The following AHCTF1 variants were observed in gnomAD, a reference collection of about 807,000 sequenced individuals.
The protein encoded by AHCTF1 is AT-hook containing transcription factor 1, also known as protein ELYS.
AHCTF1 carries 24 observed loss-of-function variants against 248.4 expected under a neutral mutation model. The ratio of observed to expected loss-of-function variants is 0.10; its 90% CI spans 0.07 to 0.14. The LOEUF is 0.14. AHCTF1 is among the 10% of genes least tolerant of loss of function. The pLI is 1.00. For synonymous variants in AHCTF1, 786 were observed against 929.8 expected (o/e 0.85, Z 2.81); for missense variants, 2,206 against 2,636.2 (o/e 0.84, Z 3.57).
chr1:246,930,244 G>T (rs1234193995), intron 1 of AHCTF1, among the ~76,000 whole-genome samples: 1 of 152,140 alleles, frequency 6.6e-6, no homozygotes, highest in African/African-American at 2.4e-5. Flanking sequence ...TGAGGCTGAA[G>T]CTCAAACGTT....
chr1:246,903,879 C>T, intron 7 of AHCTF1, 70 bp downstream of exon 7: 1 of 952,212 alleles, frequency 1.1e-6, no homozygotes. Flanking sequence ...TATCTTAAAA[C>T]AAAGACAACA....
intron 24 of AHCTF1, among the ~76,000 whole-genome samples, chr1:246,874,298 A>G (rs567223967): frequency 7.9e-5 from 12 of 152,300 alleles, no homozygotes; most frequent in Non-Finnish European, 1.6e-4. Flanking sequence ...AAATAACATT[A>G]ACTATTAAAT....
At chr1:246,861,577 G>C (rs921381379) in intron 28 of AHCTF1, among the ~76,000 whole-genome samples, 11 of 152,180 alleles carry the variant, frequency 7.2e-5, no homozygotes, top group Non-Finnish European at 1.5e-4. Context: ...TTAACCTACA[G>C]TGGACCTCAA....
rs191071031 is a variant in AHCTF1 at position 246,868,367 on chromosome 1, C to T, written c.3089-556G>A. 2.3e-3 allele frequency among the ~76,000 whole-genome samples: 333 copies of T among 146,328 alleles called. 2 individuals are homozygous for T. Among genetic ancestry groups the T allele is most frequent in the Non-Finnish European group, 3.6e-3 (247 of 67,996 alleles). On this transcript the variant is annotated intron_variant, in intron 24 of 35. Transcript: ENST00000648844. Reference sequence around the variant, plus strand: ...AACTCCTGACCTCATGTGATCCACCCGCCTTGGCCTCCCAAAGTGCTGGGA... The same window carrying T: ...AACTCCTGACCTCATGTGATCCACCTGCCTTGGCCTCCCAAAGTGCTGGGA...
chr1:246,849,516 G>C, intron 33 of AHCTF1, 99 bp downstream of exon 33: 1 of 1,469,834 alleles, frequency 6.8e-7, no homozygotes, highest in Non-Finnish European at 9.1e-7. Context: ...GGGGGGAAGG[G>C]GAAAAATTCC....
chr1:246,853,339 A>AAAAT (rs750768183), intron 31 of AHCTF1, 40 bp from the exon 32 acceptor site: 3 of 1,524,104 alleles, frequency 2.0e-6, no homozygotes, highest in East Asian at 4.6e-5. Flanking sequence ...TTTAAACTGA[A>AAAAT]AAATAAATCC....
At chr1:246,920,142 C>CAAAAAAAAAAAA (rs68194249) in intron 1 of AHCTF1, among the ~76,000 whole-genome samples, 9 of 40,804 alleles carry the variant, frequency 2.2e-4, no homozygotes, top group Non-Finnish European at 2.7e-4. Flanking sequence ...CTGTCCCCCG[C>CAAAAAAAAAAAA]AAAAAAAAAA....
In AHCTF1 at chr1:246,882,638, G is replaced by C. The variant is rs1779973; in HGVS notation, c.2660+2855C>G. On this transcript the variant is annotated intron_variant, in intron 21 of 35. Transcript: ENST00000648844. ...CAGCAAAATAAACCCACCTAACAAAGAGGAAAAATTATGCCTATACAAAAG... is the reference window on the plus strand; with the variant it reads ...CAGCAAAATAAACCCACCTAACAAACAGGAAAAATTATGCCTATACAAAAG... Among the ~76,000 whole-genome samples the C allele has an allele frequency of 6.9e-3, 1,057 of 152,270 alleles. 19 individuals are homozygous for C. Among genetic ancestry groups the C allele is most frequent in the African/African-American group, 0.024 (1,001 of 41,554 alleles).
chr1:246,853,742 ACT>A (rs1250455444), intron 31 of AHCTF1, among the ~76,000 whole-genome samples: 7 of 152,198 alleles, frequency 4.6e-5, no homozygotes, highest in Non-Finnish European at 8.8e-5. Flanking sequence ...GTACAAATGT[ACT>A]CTACTACTTT....
In AHCTF1 at chr1:246,876,907, C is replaced by G. The variant is rs748484392; in HGVS notation, c.2937+43G>C. Reference sequence around the variant, plus strand: ...AACAACCAAAAAAGCCTCCAGTTTTCCTTATTCTCTTATCCCCCATAATAA... The same window carrying G: ...AACAACCAAAAAAGCCTCCAGTTTTGCTTATTCTCTTATCCCCCATAATAA... On this transcript the variant is annotated intron_variant, in intron 23 of 35. Coordinates refer to ENST00000648844, the MANE Select transcript of AHCTF1 (RefSeq NM_001323342.2). 3.1e-6 allele frequency: 5 copies of G among 1,599,114 alleles called. No homozygotes were observed. The East Asian group carries it at 1.1e-4, about 36-fold the overall frequency.
At chr1:246,869,579 T>A (rs1779978) in intron 24 of AHCTF1, among the ~76,000 whole-genome samples, 55,380 of 151,978 alleles carry the variant, frequency 0.36, 12,221 homozygotes, top group African/African-American at 0.62. Flanking sequence ...CATTCCAAAA[T>A]TCCTAAGGCC....
chr1:246,921,750 C>G (rs551159893), intron 1 of AHCTF1, among the ~76,000 whole-genome samples: 1 of 152,200 alleles, frequency 6.6e-6, no homozygotes, highest in East Asian at 1.9e-4. Flanking sequence ...AAGTAACTGC[C>G]AACATAATTA....
At chr1:246,845,630 A>G (rs953288854) in intron 33 of AHCTF1, among the ~76,000 whole-genome samples, 2 of 152,246 alleles carry the variant, frequency 1.3e-5, no homozygotes, top group African/African-American at 2.4e-5. Flanking sequence ...AAATACAAAA[A>G]TATACTATCA....
At chr1:246,904,074 A>G (rs1414900248) in intron 6 of AHCTF1, 41 bp from the exon 7 acceptor site, 1 of 1,508,708 alleles carries the variant, frequency 6.6e-7, no homozygotes, top group African/African-American at 1.4e-5. Flanking sequence ...ATATATTAAT[A>G]CATTAAACAT....
chr1:246,918,809 A>C (rs1442927253), intron 1 of AHCTF1, among the ~76,000 whole-genome samples: 16 of 152,246 alleles, frequency 1.1e-4, no homozygotes, highest in Admixed American at 1.0e-3. Flanking sequence ...TTTAAACACT[A>C]GTTCAGTGCA....
intron 21 of AHCTF1, among the ~76,000 whole-genome samples, chr1:246,881,737 C>T (rs986480991): frequency 1.3e-5 from 2 of 150,112 alleles, no homozygotes; most frequent in Non-Finnish European, 3.0e-5. Context: ...ACTCAGGAGG[C>T]TGAGGCAGGA....
At chr1:246,930,585 T>TA (rs1667274583) in intron 1 of AHCTF1, among the ~76,000 whole-genome samples, 2 of 140,144 alleles carry the variant, frequency 1.4e-5, no homozygotes, top group African/African-American at 5.3e-5. Context: ...AAAAAACAGT[T>TA]TAAAAAAAAA....
chr1:246,922,999 A>T (rs1178456100), intron 1 of AHCTF1, among the ~76,000 whole-genome samples: 1 of 150,250 alleles, frequency 6.7e-6, no homozygotes, highest in East Asian at 1.9e-4. Flanking sequence ...AAAAAAAAAA[A>T]AAAAAGTATC....
At chr1:246,901,177 A>C (rs1305666646) in intron 8 of AHCTF1, among the ~76,000 whole-genome samples, 3 of 151,988 alleles carry the variant, frequency 2.0e-5, no homozygotes, top group Admixed American at 2.0e-4. Context: ...TCATCTCTAC[A>C]AAAAAATACA....
Sources: allele counts gnomAD v4.1 joint callset (sites outside exome capture counted in the v4.1 genomes callset), GRCh38; gene constraint gnomAD v4.1.1; transcripts MANE v1.5; gene names NCBI Gene and HGNC (gene_info 2026-07-23, HGNC 2026-07-21).